ELL2: variants seen among roughly 807,000 people sequenced by gnomAD.
The protein encoded by ELL2 is RNA polymerase II elongation factor ELL2.
In ELL2, 21 loss-of-function variants were observed where a neutral mutation model predicts 72.8. The observed-to-expected ratio is 0.29, with a 90% CI of 0.20 to 0.42. The LOEUF (loss-of-function observed/expected upper bound fraction) is 0.42. Ranked by LOEUF, ELL2 falls within the 10% of genes least tolerant of loss-of-function variation. ELL2 has a pLI of 1.00. For missense variants in ELL2, 568 were observed against 772.8 expected (o/e 0.73, Z 3.14); for synonymous variants, 266 against 283.2 (o/e 0.94, Z 0.61).
At chr5:95,947,747 C>T (rs1234958766) in intron 1 of ELL2, among the ~76,000 whole-genome samples, 1 of 152,060 alleles carries the variant, frequency 6.6e-6, no homozygotes, top group Admixed American at 6.6e-5. Flanking sequence ...TTTAAAAGAC[C>T]TTAAATGTTC....
chr5:95,949,700 C>CAA (rs56376316), intron 1 of ELL2, among the ~76,000 whole-genome samples: 19 of 132,206 alleles, frequency 1.4e-4, no homozygotes, highest in African/African-American at 3.9e-4. Flanking sequence ...AAAGATACTG[C>CAA]AAAAAAAAAA....
intron 2 of ELL2, among the ~76,000 whole-genome samples, chr5:95,933,930 AAAC>A (rs1750685270): frequency 6.6e-6 from 1 of 152,172 alleles, no homozygotes; most frequent in Non-Finnish European, 1.5e-5. Flanking sequence ...ACAAAACACA[AAAC>A]ATCAAGCATC....
At chr5:95,911,905 A>G (rs1749616571) in intron 4 of ELL2, among the ~76,000 whole-genome samples, 1 of 152,228 alleles carries the variant, frequency 6.6e-6, no homozygotes, top group Non-Finnish European at 1.5e-5. Flanking sequence ...AAAGGCCTAC[A>G]GAGTGCCCGG....
chr5:95,931,091 C>T (rs545159265), intron 2 of ELL2, among the ~76,000 whole-genome samples: 4 of 151,394 alleles, frequency 2.6e-5, no homozygotes, highest in African/African-American at 9.7e-5. Context: ...CTTTTACAAA[C>T]GGATGAAAAG....
At chr5:95,941,907 CAGA>C (rs1321180624) in intron 2 of ELL2, among the ~76,000 whole-genome samples, 1 of 152,200 alleles carries the variant, frequency 6.6e-6, no homozygotes, top group Non-Finnish European at 1.5e-5. Flanking sequence ...CAACAAAATT[CAGA>C]AGAATACTTA....
At chr5:95,925,555 G>A (rs977752735) in intron 2 of ELL2, among the ~76,000 whole-genome samples, 2 of 152,188 alleles carry the variant, frequency 1.3e-5, no homozygotes, top group South Asian at 4.1e-4. Context: ...CTCAAGTGGT[G>A]CGTGGCACAA....
At chr5:95,933,775 A>G (rs1223741927) in intron 2 of ELL2, among the ~76,000 whole-genome samples, 2 of 151,810 alleles carry the variant, frequency 1.3e-5, no homozygotes, top group African/African-American at 2.4e-5. Context: ...TACCTTAAAT[A>G]TTCTTGAAAG....
chr5:95,902,812 C>T (rs1403990855), intron 5 of ELL2, among the ~76,000 whole-genome samples: 1 of 152,148 alleles, frequency 6.6e-6, no homozygotes, highest in Non-Finnish European at 1.5e-5. Context: ...GACAAGGTCT[C>T]ACTCTGTCAC....
chr5:95,951,230 G>A (rs1349096205), intron 1 of ELL2, among the ~76,000 whole-genome samples: 1 of 151,746 alleles, frequency 6.6e-6, no homozygotes, highest in African/African-American at 2.4e-5. Flanking sequence ...TTAGCCAGGC[G>A]TGGTGGTGGG....
At position 95,908,748 on chromosome 5, in the gene ELL2, T is replaced by A. The variant is rs573156927; in HGVS notation, c.482-1966A>T. ...TAAAATTTTAATAGGAAATATTTTT[T>A]AAAAATAGAGTCAAGTTCACAAGTT... On this transcript the variant is annotated intron_variant, in intron 4 of 11. Transcript: ENST00000237853. Among the ~76,000 whole-genome samples the A allele has an allele frequency of 4.2e-4, 64 of 152,334 alleles. No individual in the cohort carries two copies. The South Asian group carries it at 0.012, about 28-fold the overall frequency.
intron 3 of ELL2, among the ~76,000 whole-genome samples, chr5:95,914,485 T>G (rs1448568614): frequency 6.6e-6 from 1 of 152,222 alleles, no homozygotes. Flanking sequence ...ATTTACTTTG[T>G]TAAATCTCTA....
At chr5:95,923,590 T>G (rs1184057149) in intron 2 of ELL2, among the ~76,000 whole-genome samples, 1 of 152,184 alleles carries the variant, frequency 6.6e-6, no homozygotes, top group Non-Finnish European at 1.5e-5. Flanking sequence ...CAAAGGGACA[T>G]GGAGCCCAGG....
chr5:95,918,119 G>A (rs918986073), intron 3 of ELL2, among the ~76,000 whole-genome samples: 2 of 152,192 alleles, frequency 1.3e-5, no homozygotes, highest in African/African-American at 4.8e-5. Context: ...CTAATACTTG[G>A]TGATTCTATA....
chr5:95,922,022 T>C (rs1750105174), intron 2 of ELL2, among the ~76,000 whole-genome samples: 1 of 152,206 alleles, frequency 6.6e-6, no homozygotes, highest in Non-Finnish European at 1.5e-5. Flanking sequence ...AGTACTTCCA[T>C]ACCTATCAGA....
chr5:95,892,928 G>T (rs1309068382), intron 9 of ELL2, among the ~76,000 whole-genome samples: 4 of 152,200 alleles, frequency 2.6e-5, no homozygotes, highest in Non-Finnish European at 5.9e-5. Flanking sequence ...AAGCAGTGAA[G>T]CAGTCCTTCC....
chr5:95,894,048 C>T (rs754058432), intron 9 of ELL2, among the ~76,000 whole-genome samples: 14 of 152,010 alleles, frequency 9.2e-5, no homozygotes, highest in Non-Finnish European at 1.9e-4. Context: ...GTCAGGAGTT[C>T]GAGACTAGCC....
chr5:95,956,541 G>A (rs1268916603), intron 1 of ELL2, among the ~76,000 whole-genome samples: 4 of 152,176 alleles, frequency 2.6e-5, no homozygotes, highest in Non-Finnish European at 5.9e-5. Flanking sequence ...TGCTCAAGTG[G>A]TGGCTTAAGA....
intron 1 of ELL2, among the ~76,000 whole-genome samples, chr5:95,950,156 T>C (rs1036900560): frequency 1.3e-5 from 2 of 152,206 alleles, no homozygotes; most frequent in African/African-American, 4.8e-5. Context: ...TTTGAGAACT[T>C]GTTTTTACTT....
chr5:95,909,916 T>C (rs1749517683), intron 4 of ELL2, among the ~76,000 whole-genome samples: 1 of 141,284 alleles, frequency 7.1e-6, no homozygotes, highest in African/African-American at 2.7e-5. Flanking sequence ...TGCAGTTGTT[T>C]TTCCATTCTG....
Sources: gnomAD v4.1 joint callset for allele counts (sites outside exome capture counted in the v4.1 genomes callset) on GRCh38, gnomAD v4.1.1 for gene constraint, MANE v1.5 for transcripts, NCBI Gene and HGNC (gene_info 2026-07-23, HGNC 2026-07-21) for gene names.